The following CDH18 variants were observed in gnomAD, a reference collection of about 807,000 sequenced individuals.
CDH18 encodes the protein cadherin-18.
Under a neutral mutation model 67.9 loss-of-function variants are expected in CDH18, and 31 were observed. The observed-to-expected ratio is 0.46, with a 90% confidence interval of 0.34 to 0.62. The LOEUF (loss-of-function observed/expected upper bound fraction) is 0.62, where lower values mean the gene tolerates loss of function less well. CDH18 is among the 20% of genes least tolerant of loss of function. The probability of loss-of-function intolerance (pLI) is 0.01; values close to 1 mark genes in which losing one functional copy is unlikely to be tolerated. For synonymous variants in CDH18, 362 were observed against 347.2 expected (o/e 1.04, Z -0.48); for missense variants, 890 against 975.5 (o/e 0.91, Z 1.17).
chr5:20,443,346 T>C (rs1285827927), intron 1 of CDH18, among the ~76,000 whole-genome samples: 4 of 151,990 alleles, frequency 2.6e-5, no homozygotes, highest in Admixed American at 1.3e-4. Context: ...AAAACTATGT[T>C]TGGTATCCCT....
chr5:19,543,787 TGA>T, intron 9 of CDH18, 80 bp downstream of exon 9: 1 of 949,750 alleles, frequency 1.1e-6, no homozygotes, highest in South Asian at 2.4e-5. Context: ...ATAAAGATTA[TGA>T]GAGCCCTGCT....
At chr5:19,769,270 TC>T (rs1773463143) in intron 3 of CDH18, among the ~76,000 whole-genome samples, 1 of 152,024 alleles carries the variant, frequency 6.6e-6, no homozygotes, top group Non-Finnish European at 1.5e-5. Context: ...GCTATCAAAC[TC>T]CTAGAAGACA....
chr5:19,922,776 A>C (rs558880373), intron 2 of CDH18, among the ~76,000 whole-genome samples: 83 of 152,310 alleles, frequency 5.4e-4, no homozygotes, highest in African/African-American at 1.9e-3. Flanking sequence ...GAACACATGA[A>C]TAATTATTGA....
At chr5:20,417,704 C>T (rs963437085) in intron 1 of CDH18, among the ~76,000 whole-genome samples, 1 of 152,058 alleles carries the variant, frequency 6.6e-6, no homozygotes. Context: ...TTTACTCTTC[C>T]AAAATCACAT....
intron 1 of CDH18, among the ~76,000 whole-genome samples, chr5:20,479,816 C>A (rs1015630597): frequency 5.3e-5 from 8 of 151,930 alleles, no homozygotes; most frequent in Non-Finnish European, 1.0e-4. Flanking sequence ...GTATATTTAA[C>A]CCAAATAAAA....
At chr5:19,576,083 C>A (rs1298865015) in intron 7 of CDH18, among the ~76,000 whole-genome samples, 2 of 151,976 alleles carry the variant, frequency 1.3e-5, no homozygotes, top group Admixed American at 6.6e-5. Flanking sequence ...AGTATTGAGC[C>A]TTACAAGAAT....
intron 2 of CDH18, among the ~76,000 whole-genome samples, chr5:20,172,216 A>ATATATATACGTG (rs1736839036): frequency 1.3e-5 from 1 of 78,784 alleles, no homozygotes; most frequent in Admixed American, 1.4e-4. Context: ...ATATATATAT[A>ATATATATACGTG]TATATATGTA....
At chr5:19,519,873 C>G (rs1746612704) in intron 10 of CDH18, among the ~76,000 whole-genome samples, 1 of 152,078 alleles carries the variant, frequency 6.6e-6, no homozygotes, top group African/African-American at 2.4e-5. Context: ...GAAGAGATCC[C>G]TGAGCCTCGG....
At chr5:19,512,435 C>T (rs78564482) in intron 10 of CDH18, among the ~76,000 whole-genome samples, 5,414 of 152,028 alleles carry the variant, frequency 0.036, 142 homozygotes, top group Non-Finnish European at 0.056. Flanking sequence ...AAATAAAGAT[C>T]CACTGAGGCA....
chr5:19,476,833 C>T (rs1245961910), intron 12 of CDH18, among the ~76,000 whole-genome samples: 2 of 151,860 alleles, frequency 1.3e-5, no homozygotes, highest in Non-Finnish European at 2.9e-5. Flanking sequence ...AGGTAATTTG[C>T]ATCCTTCAAT....
intron 2 of CDH18, among the ~76,000 whole-genome samples, chr5:20,155,559 T>C (rs1351833711): frequency 6.6e-6 from 1 of 152,126 alleles, no homozygotes. Context: ...TTTTGTTGTG[T>C]AAAAGCTTTG....
chr5:19,647,527 C>CA (rs3062888), intron 5 of CDH18, among the ~76,000 whole-genome samples: 8,027 of 28,742 alleles, frequency 0.28, 2,564 homozygotes, highest in Middle Eastern at 0.62. Context: ...GAGACTCCAT[C>CA]AAAAAAAAAA....
At chr5:19,694,321 C>T (rs1302431978) in intron 5 of CDH18, among the ~76,000 whole-genome samples, 1 of 152,024 alleles carries the variant, frequency 6.6e-6, no homozygotes, top group Non-Finnish European at 1.5e-5. Context: ...CTATAGGGTT[C>T]AAAATTTCTA....
intron 1 of CDH18, among the ~76,000 whole-genome samples, chr5:20,281,554 T>A (rs1056593206): frequency 6.6e-6 from 1 of 152,148 alleles, no homozygotes; most frequent in Non-Finnish European, 1.5e-5. Flanking sequence ...TCTGTTCTTT[T>A]CCATTGGTCT....
intron 1 of CDH18, among the ~76,000 whole-genome samples, chr5:20,430,401 A>G (rs1437560623): frequency 2.6e-5 from 4 of 152,168 alleles, no homozygotes; most frequent in Non-Finnish European, 5.9e-5. Flanking sequence ...ACAAGCTGTC[A>G]TCATGCTGCT....
intron 5 of CDH18, among the ~76,000 whole-genome samples, chr5:19,695,291 C>T (rs1401760040): frequency 6.6e-6 from 1 of 152,150 alleles, no homozygotes; most frequent in Non-Finnish European, 1.5e-5. Flanking sequence ...AACAAGTACA[C>T]ATTAAGGTCA....
At position 19,749,479 on chromosome 5, in the gene CDH18, A is replaced by G. The variant is rs925041178; in HGVS notation, c.229-2243T>C. 3.3e-5 allele frequency among the ~76,000 whole-genome samples: 5 copies of G among 151,614 alleles called. No homozygotes were observed. The South Asian group carries it at 8.3e-4, about 25-fold the overall frequency. ...TGTATATGTGTGTATACATATATAT[A>G]TACATGAAAAATATGTTTAGTGAAA... On this transcript the variant is annotated intron_variant, in intron 3 of 12. Transcript: ENST00000382275.
intron 1 of CDH18, among the ~76,000 whole-genome samples, chr5:20,391,384 C>A (rs1744845533): frequency 6.6e-6 from 1 of 151,588 alleles, no homozygotes; most frequent in Non-Finnish European, 1.5e-5. Flanking sequence ...CTAATAGTTG[C>A]TATATGATAG....
At chr5:19,523,218 A>T (rs1396060467) in intron 9 of CDH18, among the ~76,000 whole-genome samples, 1 of 152,182 alleles carries the variant, frequency 6.6e-6, no homozygotes, top group Non-Finnish European at 1.5e-5. Context: ...AGACAAGTAT[A>T]TAAGGCAAAA....
Sources: allele counts gnomAD v4.1 joint callset (sites outside exome capture counted in the v4.1 genomes callset), GRCh38; gene constraint gnomAD v4.1.1; transcripts MANE v1.5; gene names NCBI Gene and HGNC (gene_info 2026-07-23, HGNC 2026-07-21).